The following KPNB1 variants were observed in gnomAD, a reference collection of about 807,000 sequenced individuals.
The protein encoded by KPNB1 is karyopherin subunit beta 1, also known as importin subunit beta-1.
KPNB1 carries 7 observed loss-of-function variants against 113.0 expected under a neutral mutation model. That is an observed-to-expected ratio of 0.06 (90% confidence interval 0.04 to 0.12). KPNB1 has a LOEUF of 0.12. Ranked by LOEUF, KPNB1 falls within the 10% of genes least tolerant of loss-of-function variation. The pLI is 1.00. For missense variants in KPNB1, 400 were observed against 1,054.8 expected, an observed-to-expected ratio of 0.38 and a Z score of 8.60; for synonymous variants, 363 against 378.6, an observed-to-expected ratio of 0.96 and a Z score of 0.48.
At position 47,650,456 on chromosome 17, in the gene KPNB1, C is replaced by G. The variant is rs753120324; in HGVS notation, c.99+12C>G. Reference sequence around the variant, plus strand: ...CCGTGGAGAACCTGGTGCGTGCTACCCCGCCGCGCCCATCCCGCCGCGTCC... The same window carrying G: ...CCGTGGAGAACCTGGTGCGTGCTACGCCGCCGCGCCCATCCCGCCGCGTCC... On this transcript the variant is annotated intron_variant, in intron 2 of 21. Transcript: ENST00000290158. 2.0e-5 allele frequency: 32 copies of G among 1,596,290 alleles called. No homozygotes were observed. The highest frequency in any genetic ancestry group is 1.7e-6 in the Non-Finnish European group (2 of 1,173,112).
intron 5 of KPNB1, among the ~76,000 whole-genome samples, chr17:47,659,340 C>CT (rs2030013372): frequency 6.6e-6 from 1 of 151,736 alleles, no homozygotes; most frequent in Admixed American, 6.6e-5. Flanking sequence ...CAGAGCAAGA[C>CT]TGTCTCAAAA....
intron 17 of KPNB1, 91 bp downstream of exon 17, chr17:47,677,218 G>C: frequency 9.6e-7 from 1 of 1,040,508 alleles, no homozygotes; most frequent in Non-Finnish European, 1.4e-6. Flanking sequence ...GCTGGGCGCA[G>C]TGGCCTGTAA....
At chr17:47,652,283 C>T (rs1389110441) in intron 2 of KPNB1, among the ~76,000 whole-genome samples, 2 of 152,176 alleles carry the variant, frequency 1.3e-5, no homozygotes, top group African/African-American at 2.4e-5. Flanking sequence ...CCCATCATAA[C>T]AGCCATTCAT....
At chr17:47,666,424 T>G in intron 9 of KPNB1, among the ~76,000 whole-genome samples, 1 of 122,000 alleles carries the variant, frequency 8.2e-6, no homozygotes. Context: ...GTGTGTGTAT[T>G]TTATATATAT....
rs1218872774 is a variant in KPNB1, at chr17:47,684,950, G to C, written c.*2546G>C. The C allele has an allele frequency of 1.3e-5, 2 of 152,198 alleles. No homozygotes were observed. The highest frequency in any genetic ancestry group is 3.8e-4 in the East Asian group (2 of 5,204). The allele number at this position is 152,198 out of a possible 1,614,324, so 9.4% of individuals were successfully genotyped here. On this transcript the variant is annotated 3_prime_UTR_variant, in exon 22 of 22. Coordinates refer to ENST00000290158, the MANE Select transcript of KPNB1 (RefSeq NM_002265.6). ...GCAAAATGCATTCTGTTCACTCACT[G>C]TCTGGGCCTTCCCCACCCTAGTCTT...
intron 21 of KPNB1, among the ~76,000 whole-genome samples, 169 bp from the exon 22 acceptor site, chr17:47,682,235 A>G (rs1026987458): frequency 3.9e-5 from 6 of 152,212 alleles, no homozygotes; most frequent in African/African-American, 1.4e-4. Flanking sequence ...TGTAGGTGTT[A>G]ATAAGAGCAG....
Position 47,674,703 on chromosome 17 carries a change from G to A in KPNB1, c.1833G>A (p.Leu611=), listed in dbSNP as rs1413499901. 1 of 1,614,212 alleles carries A rather than the reference G, an allele frequency of 6.2e-7. No homozygotes were observed. The highest frequency in any genetic ancestry group is 1.3e-5 in the African/African-American group (1 of 75,074). The change falls in exon 15 of 22, where the codon CTG becomes CTA. Residue 611 remains leucine, a synonymous_variant. Coordinates refer to ENST00000290158, the MANE Select transcript of KPNB1 (RefSeq NM_002265.6). ...LQISDVVMAS[L]LRMFQSTAGS... is the part of the protein sequence containing the mutation. The stretch of plus-strand genomic sequence containing the variant: ...TCTCTGATGTGGTTATGGCCTCCCT[G>A]TTAAGGATGTTCCAAAGCACAGCTG...
chr17:47,683,910 C>T lies in KPNB1; in HGVS notation c.*1506C>T, dbSNP rs548945520. The stretch of plus-strand genomic sequence containing the variant: ...GTGATGTGGTATGATTACCATAAAT[C>T]AGACTTAATTATTTTCCCTTTTACA... On this transcript the variant is annotated 3_prime_UTR_variant, in exon 22 of 22. Coordinates refer to ENST00000290158, the MANE Select transcript of KPNB1 (RefSeq NM_002265.6). 2.0e-5 allele frequency: 3 copies of T among 152,228 alleles called. No homozygotes were observed. The highest frequency in any genetic ancestry group is 4.4e-5 in the Non-Finnish European group (3 of 68,022). The allele number at this position is 152,228 out of a possible 1,614,324, so 9.4% of individuals were successfully genotyped here.
At position 47,652,885 on chromosome 17, in the gene KPNB1, C is replaced by T. The variant is rs972451418; in HGVS notation, c.282+9C>T. Reference sequence around the variant, plus strand: ...GAGAAGTCAAGAACTATGTGAGTAACGCTTATCTGTTTGGTTATATTGCCC... The same window carrying T: ...GAGAAGTCAAGAACTATGTGAGTAATGCTTATCTGTTTGGTTATATTGCCC... On this transcript the variant is annotated intron_variant, in intron 3 of 21. Coordinates refer to ENST00000290158, the MANE Select transcript of KPNB1 (RefSeq NM_002265.6). 1.4e-5 allele frequency: 22 copies of T among 1,550,918 alleles called. No individual in the cohort carries two copies. The highest frequency in any genetic ancestry group is 5.0e-5 in the South Asian group (4 of 80,594).
chr17:47,668,579 A>G (rs1414734899), intron 10 of KPNB1, among the ~76,000 whole-genome samples, 169 bp downstream of exon 10: 2 of 152,238 alleles, frequency 1.3e-5, no homozygotes, highest in South Asian at 2.1e-4. Flanking sequence ...TTTTAATTAC[A>G]TAAGTCAGCA....
chr17:47,652,129 T>A (rs138811833), intron 2 of KPNB1, among the ~76,000 whole-genome samples: 1 of 152,328 alleles, frequency 6.6e-6, no homozygotes. Context: ...GTTTTAGGCT[T>A]ATCTGTATTT....
chr17:47,666,483 T>C (rs577418721), intron 9 of KPNB1, among the ~76,000 whole-genome samples: 2 of 144,994 alleles, frequency 1.4e-5, no homozygotes, highest in East Asian at 1.9e-4. Flanking sequence ...TAATGTTATA[T>C]ATTATATATT....
rs1264803739 is a variant in KPNB1 at position 47,650,607 on chromosome 17, A to T, written c.99+163A>T. 1.1e-4 allele frequency among the ~76,000 whole-genome samples: 7 copies of T among 65,376 alleles called. No homozygotes were observed. The South Asian group carries it at 1.8e-3, about 17-fold the overall frequency. 42.9% of individuals were successfully genotyped at this position (65,376 alleles called of 152,430 possible). ...CAACCCGGTCCAACCTAACCCCGCC[A>T]TCGGGAAGCCGGTGGGTGTGTCCCG... is the stretch of plus-strand genomic sequence containing the variant. On this transcript the variant is annotated intron_variant, in intron 2 of 21. Transcript: ENST00000290158.
At chr17:47,658,755 A>C in intron 5 of KPNB1, 95 bp downstream of exon 5, 1 of 1,045,722 alleles carries the variant, frequency 9.6e-7, no homozygotes, top group Non-Finnish European at 1.4e-6. Flanking sequence ...TTTATGGTTT[A>C]GAAAGTACCA....
chr17:47,666,913 G>A (rs1454754032), intron 9 of KPNB1, among the ~76,000 whole-genome samples: 2 of 150,810 alleles, frequency 1.3e-5, no homozygotes, highest in Admixed American at 6.6e-5. Flanking sequence ...CACTGCACCC[G>A]GCCTCCTTTC....
chr17:47,658,837 C>T (rs1343201355), intron 5 of KPNB1, among the ~76,000 whole-genome samples, 177 bp downstream of exon 5: 6 of 152,042 alleles, frequency 3.9e-5, no homozygotes, highest in African/African-American at 1.4e-4. Context: ...GAGTGTTTGC[C>T]GTTTCTCATC....
chr17:47,659,898 CAA>C (rs979619147), intron 5 of KPNB1, among the ~76,000 whole-genome samples: 6 of 135,646 alleles, frequency 4.4e-5, no homozygotes, highest in African/African-American at 5.6e-5. Flanking sequence ...ACTCTGTCTC[CAA>C]AAAAAAAAAA....
In KPNB1 at chr17:47,666,608, A is replaced by T. The variant is rs1302680874; in HGVS notation, c.999+1450A>T. On this transcript the variant is annotated intron_variant, in intron 9 of 21. Coordinates refer to ENST00000290158, the MANE Select transcript of KPNB1 (RefSeq NM_002265.6). ...CTACATATTATATATAATTATATATATTTTATATATATTATATATATTTAT... is the reference window on the plus strand; with the variant it reads ...CTACATATTATATATAATTATATATTTTTTATATATATTATATATATTTAT... Among the ~76,000 whole-genome samples the T allele has an allele frequency of 3.4e-5, 5 of 144,954 alleles. No homozygotes were observed. In the South Asian group the frequency reaches 8.5e-4, roughly 25 times the overall value.
chr17:47,652,656 A>C, intron 2 of KPNB1, 38 bp from the exon 3 acceptor site: 1 of 1,471,446 alleles, frequency 6.8e-7, no homozygotes, highest in South Asian at 1.4e-5. Context: ...GGAAATTCCT[A>C]AGATATTTTT....
Sources: allele counts gnomAD v4.1 joint callset (sites outside exome capture counted in the v4.1 genomes callset), GRCh38; gene constraint gnomAD v4.1.1; transcripts MANE v1.5; gene names NCBI Gene and HGNC (gene_info 2026-07-23, HGNC 2026-07-21).